PSMA1: variants seen among roughly 807,000 people sequenced by gnomAD.
The protein encoded by PSMA1 is proteasome 20S subunit alpha 1.
PSMA1 carries 3 observed loss-of-function variants against 38.4 expected under a neutral mutation model. The ratio of observed to expected loss-of-function variants is 0.08; its 90% CI spans 0.04 to 0.20. The LOEUF is 0.20. PSMA1 is among the 10% of genes least tolerant of loss of function. The pLI is 1.00. For synonymous variants in PSMA1, 101 were observed against 107.1 expected (o/e 0.94, Z 0.35); for missense variants, 227 against 325.3 (o/e 0.70, Z 2.32).
At chr11:14,505,280 A>C (rs1008239389) in intron 9 of PSMA1, 32 bp from the exon 10 acceptor site, 7 of 1,567,190 alleles carry the variant, frequency 4.5e-6, no homozygotes, top group Non-Finnish European at 6.2e-6. Context: ...GAAAATATGT[A>C]AAATGAACAC....
intron 1 of PSMA1, among the ~76,000 whole-genome samples, chr11:14,613,654 T>C (rs941775730): frequency 6.6e-6 from 1 of 152,154 alleles, no homozygotes; most frequent in Admixed American, 6.5e-5. Flanking sequence ...TCAAAATAAT[T>C]ATGTAGGAAA....
At chr11:14,591,104 G>A (rs958416382) in intron 2 of PSMA1, among the ~76,000 whole-genome samples, 2 of 152,348 alleles carry the variant, frequency 1.3e-5, no homozygotes, top group African/African-American at 2.4e-5. Context: ...CAGCGCTTGC[G>A]GGCCAGCTGG....
intron 2 of PSMA1, among the ~76,000 whole-genome samples, chr11:14,567,892 A>C (rs1312138581): frequency 6.6e-6 from 1 of 152,186 alleles, no homozygotes; most frequent in Non-Finnish European, 1.5e-5. Context: ...CAGAAAACAA[A>C]CGTGTGTTAG....
At chr11:14,571,065 T>C (rs890660341) in intron 2 of PSMA1, among the ~76,000 whole-genome samples, 2 of 151,868 alleles carry the variant, frequency 1.3e-5, no homozygotes, top group African/African-American at 2.4e-5. Context: ...CATTCTTTTT[T>C]GTTTTGTTTT....
chr11:14,614,790 C>A lies in PSMA1; in HGVS notation c.-165-3639G>T, dbSNP rs181759274. Among the ~76,000 whole-genome samples the A allele has an allele frequency of 2.1e-3, 320 of 152,220 alleles. 3 individuals carry two copies. The highest frequency in any genetic ancestry group is 4.8e-3 in the Admixed American group (73 of 15,288). On this transcript the variant is annotated intron_variant, in intron 1 of 10. Coordinates refer to the PSMA1 transcript ENST00000418988. ...TTAGTTCCATTCACCTTTATCTTGC[C>A]TGGACTATGGCAAAGATCCCCAAAA...
At chr11:14,636,549 T>A (rs1487746602) in intron 1 of PSMA1, among the ~76,000 whole-genome samples, 1 of 152,196 alleles carries the variant, frequency 6.6e-6, no homozygotes. Context: ...CTCCCAGGGT[T>A]CCACTTCTCC....
At chr11:14,566,867 A>G (rs1852078653) in intron 2 of PSMA1, among the ~76,000 whole-genome samples, 1 of 152,190 alleles carries the variant, frequency 6.6e-6, no homozygotes, top group Non-Finnish European at 1.5e-5. Context: ...AACCCTCAGG[A>G]GAGAGTCAAT....
At chr11:14,629,350 T>C (rs985659201) in intron 1 of PSMA1, among the ~76,000 whole-genome samples, 71 of 152,296 alleles carry the variant, frequency 4.7e-4, no homozygotes, top group African/African-American at 1.6e-3. Context: ...TTATATAAGG[T>C]GTAAGGAAGG....
At chr11:14,639,047 T>G (rs998535725) in intron 1 of PSMA1, among the ~76,000 whole-genome samples, 1 of 152,132 alleles carries the variant, frequency 6.6e-6, no homozygotes, top group Non-Finnish European at 1.5e-5. Context: ...TAATAGTAAA[T>G]TTGTGTCAGA....
intron 2 of PSMA1, among the ~76,000 whole-genome samples, chr11:14,606,437 A>G (rs1852644455): frequency 6.6e-6 from 1 of 152,146 alleles, no homozygotes; most frequent in South Asian, 2.1e-4. Context: ...AAAAAAAGAA[A>G]AAAAAAAAAA....
intron 2 of PSMA1, among the ~76,000 whole-genome samples, chr11:14,567,928 T>C (rs1852091930): frequency 6.6e-6 from 1 of 152,208 alleles, no homozygotes; most frequent in Non-Finnish European, 1.5e-5. Context: ...GTAGGAATTA[T>C]AGCCCTGTAG....
At chr11:14,598,770 T>C (rs1852537702) in intron 2 of PSMA1, among the ~76,000 whole-genome samples, 1 of 151,418 alleles carries the variant, frequency 6.6e-6, no homozygotes, top group Non-Finnish European at 1.5e-5. Context: ...ATGTGTGAAT[T>C]TCATCCTGTC....
chr11:14,515,040 A>G (rs1212598592), intron 4 of PSMA1, among the ~76,000 whole-genome samples: 1 of 152,220 alleles, frequency 6.6e-6, no homozygotes, highest in Non-Finnish European at 1.5e-5. Flanking sequence ...GATGAAATTC[A>G]AGCAAGGTTA....
At chr11:14,583,035 G>A (rs1370052121) in intron 2 of PSMA1, among the ~76,000 whole-genome samples, 3 of 152,070 alleles carry the variant, frequency 2.0e-5, no homozygotes, top group African/African-American at 4.8e-5. Context: ...CACGTAATTC[G>A]GTGCTTTAAA....
chr11:14,514,282 T>C (rs1851391462), intron 5 of PSMA1, 121 bp downstream of exon 5: 4 of 1,390,986 alleles, frequency 2.9e-6, no homozygotes, highest in Non-Finnish European at 3.7e-6. Context: ...CAATCCAATT[T>C]GTTGTTTTAA....
At chr11:14,578,073 G>C (rs1188501865) in intron 2 of PSMA1, among the ~76,000 whole-genome samples, 1 of 151,986 alleles carries the variant, frequency 6.6e-6, no homozygotes, top group Non-Finnish European at 1.5e-5. Flanking sequence ...GGGGCCTGTT[G>C]GGGGGTTGGG....
At chr11:14,637,012 T>C (rs775373925) in intron 1 of PSMA1, among the ~76,000 whole-genome samples, 10 of 152,200 alleles carry the variant, frequency 6.6e-5, no homozygotes, top group Non-Finnish European at 1.5e-4. Flanking sequence ...TGAAAAACAA[T>C]TAAATACAAT....
intron 1 of PSMA1, among the ~76,000 whole-genome samples, chr11:14,627,571 A>C (rs563325810): frequency 4.8e-4 from 73 of 152,278 alleles, no homozygotes; most frequent in African/African-American, 1.7e-3. Context: ...TAGATGTGTA[A>C]TCTTTGACAA....
At position 14,517,953 on chromosome 11, in the gene PSMA1, A is replaced by G; in HGVS notation, c.77T>C (p.Met26Thr). 6.2e-7 allele frequency: 1 copy of G among 1,607,396 alleles called. No individual in the cohort carries two copies. The highest frequency in any genetic ancestry group is 8.5e-7 in the Non-Finnish European group (1 of 1,177,806). The change falls in exon 3 of 10, where the codon ATG becomes ACG. Residue 26 changes from methionine to threonine, a missense_variant. By Grantham distance (81) the Met-to-Thr change is moderately conservative (BLOSUM62 -1). Transcript: ENST00000396394. ...QGRIHQIEYA[M>T]EAVKQGSATV... Reference sequence around the variant, plus strand: ...GGCTGAACCTTGTTTAACAGCTTCCATTGCATATTCAATTTGATGAATCCT... The same window carrying G: ...GGCTGAACCTTGTTTAACAGCTTCCGTTGCATATTCAATTTGATGAATCCT...
Sources: gnomAD v4.1 joint callset for allele counts (sites outside exome capture counted in the v4.1 genomes callset) on GRCh38, gnomAD v4.1.1 for gene constraint, MANE v1.5 for transcripts, NCBI Gene and HGNC (gene_info 2026-07-23, HGNC 2026-07-21) for gene names.